Variants in RAP1GAP2 observed in about 807,000 individuals in gnomAD.
RAP1GAP2 encodes the protein rap1 GTPase-activating protein 2.
A neutral mutation model predicts 95.0 loss-of-function variants in RAP1GAP2; 27 were observed. That is an observed-to-expected ratio of 0.28 (90% CI 0.21 to 0.39). The LOEUF (loss-of-function observed/expected upper bound fraction) is 0.39. Ranked by LOEUF, RAP1GAP2 falls within the 10% of genes least tolerant of loss-of-function variation. RAP1GAP2 has a pLI of 1.00. For missense variants in RAP1GAP2, 771 were observed against 970.0 expected, an observed-to-expected ratio of 0.79 and a Z score of 2.72; for synonymous variants, 373 against 380.9, an observed-to-expected ratio of 0.98 and a Z score of 0.24.
At chr17:2,966,537 A>G (rs1454383833) in intron 8 of RAP1GAP2, among the ~76,000 whole-genome samples, 1 of 152,180 alleles carries the variant, frequency 6.6e-6, no homozygotes, top group Non-Finnish European at 1.5e-5. Context: ...AAATTTTGAG[A>G]TAAATATTGG....
At chr17:2,932,680 G>C (rs908391568) in intron 3 of RAP1GAP2, among the ~76,000 whole-genome samples, 5 of 150,782 alleles carry the variant, frequency 3.3e-5, no homozygotes, top group African/African-American at 1.2e-4. Flanking sequence ...GCCAGGAGTG[G>C]TGGCGGGCGC....
intron 2 of RAP1GAP2, among the ~76,000 whole-genome samples, chr17:2,807,591 C>A (rs2069574479): frequency 6.6e-6 from 1 of 152,120 alleles, no homozygotes; most frequent in Non-Finnish European, 1.5e-5. Context: ...TGAGCTGTCT[C>A]CAGGGGTGCG....
intron 2 of RAP1GAP2, among the ~76,000 whole-genome samples, chr17:2,838,286 G>T (rs2071229815): frequency 6.6e-6 from 1 of 152,092 alleles, no homozygotes. Flanking sequence ...CCAAAGTGCT[G>T]GGATTACAGG....
At chr17:2,992,133 C>T (rs2045780593) in intron 12 of RAP1GAP2, among the ~76,000 whole-genome samples, 1 of 151,238 alleles carries the variant, frequency 6.6e-6, no homozygotes, top group East Asian at 2.0e-4. Context: ...TATAACAGTT[C>T]CTCAGGCAGG....
chr17:2,926,211 A>G (rs931802143), intron 3 of RAP1GAP2, among the ~76,000 whole-genome samples: 1 of 151,620 alleles, frequency 6.6e-6, no homozygotes, highest in South Asian at 2.1e-4. Context: ...ACTCATGGAG[A>G]CAGGAGCCAG....
intron 2 of RAP1GAP2, among the ~76,000 whole-genome samples, chr17:2,837,323 G>A (rs1162045790): frequency 6.6e-6 from 1 of 151,166 alleles, no homozygotes; most frequent in Non-Finnish European, 1.5e-5. Flanking sequence ...CTACCCCAAA[G>A]CTCAGGCTGG....
chr17:2,765,571 C>T, intron 1 of RAP1GAP2, among the ~76,000 whole-genome samples: 1 of 151,966 alleles, frequency 6.6e-6, no homozygotes, highest in East Asian at 1.9e-4. Flanking sequence ...GAAACCCCGT[C>T]TCTACTAAAA....
chr17:3,020,306 G>C (rs555738080), intron 18 of RAP1GAP2, among the ~76,000 whole-genome samples, 171 bp from the exon 19 acceptor site: 1 of 152,352 alleles, frequency 6.6e-6, no homozygotes, highest in African/African-American at 2.4e-5. Context: ...TGACTGGCCT[G>C]AGTCTCCAGG....
chr17:2,965,456 C>T lies in RAP1GAP2; in HGVS notation c.493-84C>T. The T allele has an allele frequency of 2.0e-6, 2 of 989,790 alleles. No homozygotes were observed. Among genetic ancestry groups the T allele is most frequent in the Middle Eastern group, 2.2e-4 (1 of 4,506 alleles). The allele number at this position is 989,790 out of a possible 1,614,324, so 61.3% of individuals were successfully genotyped here. On this transcript the variant is annotated intron_variant, in intron 7 of 24. Coordinates refer to ENST00000254695, the MANE Select transcript of RAP1GAP2 (RefSeq NM_015085.5). The surrounding 1 kb of genome is among the most constrained non-coding windows in gnomAD (Gnocchi z 4.7). Reference sequence around the variant, plus strand: ...TCTCTTCCTTGTTGCTGTGGGGCTTCTCCTGGTGAAGGAGGTGGTTTAGGG... The same window carrying T: ...TCTCTTCCTTGTTGCTGTGGGGCTTTTCCTGGTGAAGGAGGTGGTTTAGGG...
At chr17:2,882,984 A>G (rs933833653) in intron 2 of RAP1GAP2, among the ~76,000 whole-genome samples, 1 of 152,208 alleles carries the variant, frequency 6.6e-6, no homozygotes, top group Admixed American at 6.5e-5. Context: ...GCTCTTTCTG[A>G]AGGCCCCTCC....
In RAP1GAP2 at chr17:3,005,550, C is replaced by A. The variant is rs2046305478; in HGVS notation, c.1272+110C>A. Reference sequence around the variant, plus strand: ...TTCAGGCTGGGAACATTAGGGAGCTCCTTTTGCAGGTTTTGGGGGGAACCT... The same window carrying A: ...TTCAGGCTGGGAACATTAGGGAGCTACTTTTGCAGGTTTTGGGGGGAACCT... On this transcript the variant is annotated intron_variant, in intron 15 of 24. Transcript: ENST00000254695. The surrounding 1 kb of genome is among the most constrained non-coding windows in gnomAD (Gnocchi z 5.2). 10 of 1,279,520 alleles carry A rather than the reference C, an allele frequency of 7.8e-6. No homozygotes were observed. Among genetic ancestry groups the A allele is most frequent in the Non-Finnish European group, 1.1e-6 (1 of 877,140 alleles). The allele number at this position is 1,279,520 out of a possible 1,614,324, so 79.3% of individuals were successfully genotyped here. A position where few individuals can be genotyped will look rare whatever the true frequency, so the allele number is the denominator to read the frequency against.
At chr17:2,877,246 A>G (rs898386170) in intron 2 of RAP1GAP2, among the ~76,000 whole-genome samples, 9 of 152,044 alleles carry the variant, frequency 5.9e-5, no homozygotes, top group African/African-American at 2.2e-4. Context: ...TGCTGCCTCC[A>G]TGATGCATCC....
At chr17:2,757,141 T>C (rs1157315484) in intron 1 of RAP1GAP2, among the ~76,000 whole-genome samples, 1 of 151,684 alleles carries the variant, frequency 6.6e-6, no homozygotes, top group East Asian at 1.9e-4. Context: ...TTTTTTGAGA[T>C]AGGGTCTCAC....
At chr17:2,772,500 T>G (rs933788151), upstream of RAP1GAP2, among the ~76,000 whole-genome samples, 47 of 152,174 alleles carry the variant, frequency 3.1e-4, no homozygotes, top group African/African-American at 1.1e-3. Context: ...GTCTCCCTAT[T>G]GTGCCCAGGC....
At chr17:2,933,813 G>A (rs1255291827) in intron 3 of RAP1GAP2, among the ~76,000 whole-genome samples, 2 of 152,124 alleles carry the variant, frequency 1.3e-5, no homozygotes, top group East Asian at 3.8e-4. Context: ...CCCCACTTTG[G>A]GGGAAGACTG....
chr17:2,798,596 T>C (rs1009550255), intron 1 of RAP1GAP2, among the ~76,000 whole-genome samples: 5 of 136,608 alleles, frequency 3.7e-5, no homozygotes, highest in South Asian at 2.3e-4. Context: ...CCAAGCTCCA[T>C]TGGATGCAGG....
At chr17:3,031,483 G>C (rs74187515) in intron 23 of RAP1GAP2, among the ~76,000 whole-genome samples, 15 of 149,224 alleles carry the variant, frequency 1.0e-4, no homozygotes, top group South Asian at 2.1e-4. Context: ...GAGGTGGAAG[G>C]TGCTGGTTCC....
intron 4 of RAP1GAP2, among the ~76,000 whole-genome samples, chr17:2,962,037 G>C (rs2044356367): frequency 6.6e-6 from 1 of 152,050 alleles, no homozygotes; most frequent in South Asian, 2.1e-4. Context: ...TGAGTAGCTG[G>C]GATTACAGGC....
At chr17:2,860,440 G>A (rs886899266) in intron 2 of RAP1GAP2, among the ~76,000 whole-genome samples, 1 of 146,172 alleles carries the variant, frequency 6.8e-6, no homozygotes, top group East Asian at 2.1e-4. Context: ...TTCCTCCTGA[G>A]CCACTATTTT....
Sources: gnomAD v4.1 joint callset for allele counts (sites outside exome capture counted in the v4.1 genomes callset) on GRCh38, gnomAD v4.1.1 for gene constraint, Gnocchi (gnomAD v3.1) non-coding constraint, MANE v1.5 for transcripts, NCBI Gene and HGNC (gene_info 2026-07-23, HGNC 2026-07-21) for gene names.